The following RASGRF2 variants were observed in gnomAD, a reference collection of about 807,000 sequenced individuals.
RASGRF2 encodes the protein ras-specific guanine nucleotide-releasing factor 2.
A neutral mutation model predicts 151.0 loss-of-function variants in RASGRF2; 76 were observed. That is an observed-to-expected ratio of 0.50 (90% CI 0.42 to 0.61). The LOEUF is 0.61. Among genes scored for constraint, RASGRF2 ranks in the 20% least tolerant of loss-of-function variants. RASGRF2 has a pLI of 0.00. For missense variants in RASGRF2, 1,148 were observed against 1,564.6 expected (o/e 0.73, Z 4.49); for synonymous variants, 504 against 566.5 (o/e 0.89, Z 1.57).
intron 17 of RASGRF2, among the ~76,000 whole-genome samples, chr5:81,166,655 A>G (rs1035746750): frequency 2.3e-5 from 2 of 85,256 alleles, no homozygotes; most frequent in Non-Finnish European, 5.9e-5. Context: ...ACTGAAGGGG[A>G]AGGATGGGGG....
At chr5:81,217,132 T>C in intron 24 of RASGRF2, 1 of 598,644 alleles carries the variant, frequency 1.7e-6, no homozygotes, top group Non-Finnish European at 2.7e-6. Flanking sequence ...TATGCCATTT[T>C]TTTTCAAACA....
chr5:81,113,220 T>C (rs1269448275), intron 14 of RASGRF2, among the ~76,000 whole-genome samples: 1 of 151,938 alleles, frequency 6.6e-6, no homozygotes. Context: ...GGGGAGGGTG[T>C]CTTGTTAAAT....
intron 9 of RASGRF2, among the ~76,000 whole-genome samples, chr5:81,092,534 G>T (rs1392001621): frequency 1.3e-5 from 2 of 152,092 alleles, no homozygotes; most frequent in African/African-American, 4.8e-5. Flanking sequence ...ATTCAATTTT[G>T]CCATCTTTCA....
chr5:81,127,935 AAAAAAAAAAAAAG>A (rs1239460831), intron 17 of RASGRF2, among the ~76,000 whole-genome samples: 1 of 150,918 alleles, frequency 6.6e-6, no homozygotes, highest in Non-Finnish European at 1.5e-5. Flanking sequence ...AAAAAAAAAA[AAAAAAAAAAAAAG>A]AAAAGAAAAG....
At position 81,180,201 on chromosome 5, in the gene RASGRF2, G is replaced by C. The variant is rs1469872157; in HGVS notation, c.2713G>C (p.Asp905His). The change falls in exon 18 of 27, where the codon GAT becomes CAT. Residue 905 changes from aspartate to histidine, a missense_variant. By Grantham distance (81) the Asp-to-His change is moderately conservative (BLOSUM62 -1). Around this residue, in one of 5 missense-constraint regions of RASGRF2, gnomAD observed 646 missense variants for 807.4 expected, o/e 0.80. Transcript: ENST00000265080. The part of the protein sequence containing the change: ...PGFNNTERTC[D>H]KEFIIRRTAT... ...CTTTAACAACACCGAGAGAACATGT[G>C]ATAAAGAGTTTATTATACGGAGAAC... The C allele has an allele frequency of 6.2e-7, 1 of 1,611,582 alleles. No homozygotes were observed. Among genetic ancestry groups the C allele is most frequent in the South Asian group, 1.1e-5 (1 of 90,990 alleles).
At chr5:81,157,148 G>T (rs1025264674) in intron 17 of RASGRF2, among the ~76,000 whole-genome samples, 1 of 151,770 alleles carries the variant, frequency 6.6e-6, no homozygotes, top group Non-Finnish European at 1.5e-5. Context: ...GGCGGATCAC[G>T]AGGTCAGGAG....
intron 17 of RASGRF2, among the ~76,000 whole-genome samples, chr5:81,141,210 C>A (rs1328381422): frequency 6.6e-6 from 1 of 152,122 alleles, no homozygotes; most frequent in South Asian, 2.1e-4. Flanking sequence ...CAGAGACACT[C>A]CTAAATATTA....
intron 17 of RASGRF2, among the ~76,000 whole-genome samples, chr5:81,172,845 C>A (rs1754690172): frequency 6.6e-6 from 1 of 152,120 alleles, no homozygotes; most frequent in South Asian, 2.1e-4. Context: ...AGAATGCCCT[C>A]TCATCCTCTG....
intron 18 of RASGRF2, among the ~76,000 whole-genome samples, chr5:81,190,957 G>A (rs1755142535): frequency 6.6e-6 from 1 of 152,210 alleles, no homozygotes. Flanking sequence ...TCTGTTGTAA[G>A]AGTTTTCTGA....
chr5:80,980,801 G>A (rs530452826), intron 1 of RASGRF2, among the ~76,000 whole-genome samples: 2 of 152,234 alleles, frequency 1.3e-5, no homozygotes, highest in South Asian at 4.1e-4. Context: ...TTATTTGGGG[G>A]TCTTAGAAGG....
intron 1 of RASGRF2, among the ~76,000 whole-genome samples, chr5:80,988,113 T>C (rs1265397707): frequency 1.3e-5 from 2 of 151,248 alleles, no homozygotes; most frequent in Non-Finnish European, 3.0e-5. Flanking sequence ...TGCAGTGGCA[T>C]GATCTTGGCT....
intron 2 of RASGRF2, among the ~76,000 whole-genome samples, chr5:81,058,615 G>T (rs1751307107): frequency 6.6e-6 from 1 of 151,852 alleles, no homozygotes; most frequent in Admixed American, 6.6e-5. Flanking sequence ...ATGCATCCTG[G>T]GCAACATAGT....
chr5:80,978,511 A>C lies in RASGRF2; in HGVS notation c.288+17485A>C, dbSNP rs993225129. Reference sequence around the variant, plus strand: ...TTTAAAGGGGGACAAGGCCAGGCACAGTGGCTCATGCCTATAATCAATTCC... The same window carrying C: ...TTTAAAGGGGGACAAGGCCAGGCACCGTGGCTCATGCCTATAATCAATTCC... On this transcript the variant is annotated intron_variant, in intron 1 of 26. Transcript: ENST00000265080. 5.4e-4 allele frequency among the ~76,000 whole-genome samples: 82 copies of C among 152,362 alleles called. 1 individual carries two copies. Among genetic ancestry groups the C allele is most frequent in the Non-Finnish European group, 1.0e-4 (7 of 68,036 alleles).
At chr5:81,107,035 A>T (rs1374125986) in intron 12 of RASGRF2, among the ~76,000 whole-genome samples, 3 of 152,082 alleles carry the variant, frequency 2.0e-5, no homozygotes, top group Non-Finnish European at 2.9e-5. Flanking sequence ...AGCTGTTTAT[A>T]CAAAACAGTT....
chr5:81,041,301 CAAAA>C (rs34567203), intron 1 of RASGRF2, among the ~76,000 whole-genome samples: 2 of 112,570 alleles, frequency 1.8e-5, no homozygotes, highest in Non-Finnish European at 3.7e-5. Context: ...GACTCCGTCT[CAAAA>C]AAAAAAAAAA....
chr5:81,147,010 ACTCTT>A (rs1754022573), intron 17 of RASGRF2, among the ~76,000 whole-genome samples: 3 of 152,272 alleles, frequency 2.0e-5, no homozygotes, highest in South Asian at 2.1e-4. Context: ...CATTGCTTCT[ACTCTT>A]TAAGAACTGG....
At chr5:81,177,653 A>G (rs769318805) in intron 17 of RASGRF2, among the ~76,000 whole-genome samples, 72 of 151,346 alleles carry the variant, frequency 4.8e-4, no homozygotes, top group Non-Finnish European at 8.8e-4. Context: ...TAATCTGATA[A>G]TCACATCAAT....
chr5:81,017,093 A>C (rs180790066), intron 1 of RASGRF2, among the ~76,000 whole-genome samples: 14 of 152,298 alleles, frequency 9.2e-5, no homozygotes, highest in Non-Finnish European at 1.8e-4. Flanking sequence ...CAAGAAGGGC[A>C]AAAAAAGGAG....
intron 17 of RASGRF2, among the ~76,000 whole-genome samples, chr5:81,145,480 T>C (rs568398639): frequency 6.6e-6 from 1 of 152,320 alleles, no homozygotes; most frequent in East Asian, 1.9e-4. Context: ...CTCTTTAGTG[T>C]GGGCTGGACT....
Sources: gnomAD v4.1 joint callset for allele counts (sites outside exome capture counted in the v4.1 genomes callset) on GRCh38, gnomAD v4.1.1 for gene constraint, gnomAD v4.1.1 regional missense constraint, MANE v1.5 for transcripts, NCBI Gene and HGNC (gene_info 2026-07-23, HGNC 2026-07-21) for gene names.